The following CDK14 variants were observed in gnomAD, a reference collection of about 807,000 sequenced individuals.
The protein encoded by CDK14 is cyclin-dependent kinase 14.
Under a neutral mutation model 60.7 loss-of-function variants are expected in CDK14, and 34 were observed. The observed-to-expected ratio is 0.56, with a 90% CI of 0.43 to 0.75. The LOEUF is 0.75. Ranked by LOEUF, CDK14 falls within the 30% of genes least tolerant of loss-of-function variation. The probability of loss-of-function intolerance (pLI) is 0.00; values close to 1 mark genes in which losing one functional copy is unlikely to be tolerated. For synonymous variants in CDK14, 197 were observed against 203.7 expected, an observed-to-expected ratio of 0.97 and a Z score of 0.28; for missense variants, 482 against 564.1, an observed-to-expected ratio of 0.85 and a Z score of 1.47.
intron 10 of CDK14, among the ~76,000 whole-genome samples, chr7:90,990,221 T>C (rs567470523): frequency 6.6e-6 from 1 of 152,268 alleles, no homozygotes; most frequent in South Asian, 2.1e-4. Flanking sequence ...AAGGCTGCAG[T>C]GAGCTATGAT....
rs1377520529 is a variant in CDK14 at position 90,724,455 on chromosome 7, CTTCTT to C, written c.124-2111_124-2107del. 2.7e-5 allele frequency among the ~76,000 whole-genome samples: 4 copies of C among 150,646 alleles called. No individual in the cohort carries two copies. In the East Asian group the frequency reaches 5.8e-4, roughly 22 times the overall value. On this transcript the variant is annotated intron_variant, in intron 2 of 14. Transcript: ENST00000380050. ...CCACTTTCTTATTTATTATTTCACT[CTTCTT>C]ATCTTGGTTTTTATTTGCTTTATTT...
chr7:91,003,876 AG>A (rs1462095572), intron 10 of CDK14, among the ~76,000 whole-genome samples: 1 of 152,206 alleles, frequency 6.6e-6, no homozygotes, highest in African/African-American at 2.4e-5. Flanking sequence ...TCCATTGCCC[AG>A]GGTGGTTATT....
intron 10 of CDK14, among the ~76,000 whole-genome samples, chr7:91,020,381 C>G (rs926678371): frequency 2.0e-5 from 3 of 152,242 alleles, no homozygotes; most frequent in African/African-American, 7.2e-5. Flanking sequence ...TTACCACCTA[C>G]TCAATGCCAG....
intron 2 of CDK14, among the ~76,000 whole-genome samples, chr7:90,724,753 C>T (rs1802576185): frequency 1.3e-5 from 2 of 151,766 alleles, no homozygotes. Flanking sequence ...TTCAACGTGC[C>T]CTTACATTTT....
chr7:90,858,477 A>G (rs1458988348), intron 5 of CDK14, among the ~76,000 whole-genome samples: 1 of 152,226 alleles, frequency 6.6e-6, no homozygotes, highest in Non-Finnish European at 1.5e-5. Flanking sequence ...GCCAATAAGG[A>G]TGGATCATCT....
At chr7:90,805,977 C>G (rs1481568727) in intron 5 of CDK14, among the ~76,000 whole-genome samples, 2 of 152,022 alleles carry the variant, frequency 1.3e-5, no homozygotes, top group East Asian at 3.9e-4. Flanking sequence ...ATGGAAAGTT[C>G]AAAAATGAAC....
At chr7:90,832,328 A>C (rs117771451) in intron 5 of CDK14, among the ~76,000 whole-genome samples, 4 of 152,124 alleles carry the variant, frequency 2.6e-5, no homozygotes, top group Non-Finnish European at 5.9e-5. Context: ...TAGAAGGACT[A>C]ATCTCCCCAC....
At chr7:90,853,762 C>T (rs59407373) in intron 5 of CDK14, among the ~76,000 whole-genome samples, 10,632 of 152,108 alleles carry the variant, frequency 0.07, 502 homozygotes, top group South Asian at 0.11. Context: ...TTGGGTGATT[C>T]GTGGGTTCCA....
At chr7:90,756,007 C>T (rs529432701) in intron 4 of CDK14, among the ~76,000 whole-genome samples, 1 of 152,282 alleles carries the variant, frequency 6.6e-6, no homozygotes, top group East Asian at 1.9e-4. Context: ...AATCTTAGGG[C>T]TTAGAGAGGT....
intron 10 of CDK14, among the ~76,000 whole-genome samples, chr7:90,999,178 G>A (rs554784373): frequency 2.0e-5 from 3 of 152,176 alleles, no homozygotes; most frequent in East Asian, 1.9e-4. Flanking sequence ...TCCAAAACTC[G>A]AAGTTTGGGG....
At chr7:90,987,363 A>G (rs1053922416) in intron 10 of CDK14, among the ~76,000 whole-genome samples, 7 of 152,046 alleles carry the variant, frequency 4.6e-5, no homozygotes, top group African/African-American at 1.7e-4. Context: ...GCAGATAAGC[A>G]TCATGATTTA....
chr7:90,613,382 C>T (rs773740641), intron 2 of CDK14, among the ~76,000 whole-genome samples: 7 of 152,108 alleles, frequency 4.6e-5, no homozygotes, highest in Non-Finnish European at 7.4e-5. Flanking sequence ...CTGGGCAGTG[C>T]TCTGATTTGC....
chr7:90,861,288 C>G, intron 5 of CDK14, among the ~76,000 whole-genome samples: 1 of 152,122 alleles, frequency 6.6e-6, no homozygotes, highest in Admixed American at 6.5e-5. Flanking sequence ...CTTGAATCTT[C>G]CCACTCATAC....
intron 9 of CDK14, among the ~76,000 whole-genome samples, chr7:90,969,289 A>G (rs771484466): frequency 1.4e-4 from 21 of 152,318 alleles, no homozygotes; most frequent in South Asian, 4.1e-4. Context: ...ATCAAAGTCT[A>G]GCTATGCCAT....
chr7:90,671,589 G>A (rs1463770192), intron 2 of CDK14, among the ~76,000 whole-genome samples: 2 of 152,048 alleles, frequency 1.3e-5, no homozygotes, highest in Non-Finnish European at 2.9e-5. Context: ...CATTTTGATA[G>A]CAAGCTCGTA....
chr7:90,758,906 A>G (rs1478880148), intron 4 of CDK14, among the ~76,000 whole-genome samples: 1 of 152,006 alleles, frequency 6.6e-6, no homozygotes, highest in African/African-American at 2.4e-5. Flanking sequence ...AAATAGAAAA[A>G]TCAGCTGGGT....
chr7:90,812,873 A>C (rs981776123), intron 5 of CDK14, among the ~76,000 whole-genome samples: 2 of 152,152 alleles, frequency 1.3e-5, no homozygotes, highest in African/African-American at 4.8e-5. Flanking sequence ...TTAAAGGTTA[A>C]ATATTAAATT....
chr7:90,691,139 A>T (rs1258123761), intron 2 of CDK14, among the ~76,000 whole-genome samples: 3 of 152,164 alleles, frequency 2.0e-5, no homozygotes. Context: ...AAATAATTTT[A>T]TTCACAAATA....
At chr7:90,684,783 G>GTCCA (rs374729381) in intron 2 of CDK14, among the ~76,000 whole-genome samples, 33 of 151,946 alleles carry the variant, frequency 2.2e-4, no homozygotes, top group South Asian at 2.1e-4. Flanking sequence ...CTGTCTGTCC[G>GTCCA]TCCATCCATC....
Sources: gnomAD v4.1 joint callset for allele counts (sites outside exome capture counted in the v4.1 genomes callset) on GRCh38, gnomAD v4.1.1 for gene constraint, MANE v1.5 for transcripts, NCBI Gene and HGNC (gene_info 2026-07-23, HGNC 2026-07-21) for gene names.